DPYS: variants seen among roughly 807,000 people sequenced by gnomAD.
The protein encoded by DPYS is dihydropyrimidinase.
In DPYS, 39 loss-of-function variants were observed where a neutral mutation model predicts 50.3. The ratio of observed to expected loss-of-function variants is 0.78; its 90% CI spans 0.60 to 1.01. The LOEUF (loss-of-function observed/expected upper bound fraction) is 1.01. Ranked by LOEUF, DPYS falls within the 50% of genes least tolerant of loss-of-function variation. The pLI is 0.00. For missense variants in DPYS, 659 were observed against 680.9 expected (o/e 0.97, Z 0.36); for synonymous variants, 245 against 250.7 (o/e 0.98, Z 0.22).
chr8:104,393,920 G>T (rs981913328), intron 7 of DPYS, among the ~76,000 whole-genome samples: 4 of 152,098 alleles, frequency 2.6e-5, no homozygotes, highest in Non-Finnish European at 5.9e-5. Flanking sequence ...AACAGTGTAC[G>T]CTGAACCCAA....
intron 2 of DPYS, 25 bp downstream of exon 2, chr8:104,451,221 A>G: frequency 6.2e-7 from 1 of 1,613,216 alleles, no homozygotes; most frequent in Non-Finnish European, 8.5e-7. Context: ...GACAATGGGA[A>G]CACATTGAAA....
At chr8:104,423,694 T>C (rs1812626123) in intron 7 of DPYS, among the ~76,000 whole-genome samples, 1 of 152,188 alleles carries the variant, frequency 6.6e-6, no homozygotes, top group Admixed American at 6.5e-5. Flanking sequence ...CTCTATTGAC[T>C]GCTTTCCTGA....
intron 7 of DPYS, 136 bp downstream of exon 7, chr8:104,424,111 C>T: frequency 6.4e-7 from 1 of 1,566,940 alleles, no homozygotes; most frequent in Non-Finnish European, 8.7e-7. Context: ...ATCTTGTGTA[C>T]AGGATCAAAA....
intron 7 of DPYS, among the ~76,000 whole-genome samples, chr8:104,405,529 A>G (rs1439325788): frequency 5.9e-5 from 9 of 152,224 alleles, no homozygotes; most frequent in Admixed American, 5.9e-4. Flanking sequence ...GCATGCTAAC[A>G]TTTCATTGAC....
At chr8:104,401,290 A>ATTG (rs1275241678) in intron 7 of DPYS, among the ~76,000 whole-genome samples, 3 of 54,962 alleles carry the variant, frequency 5.5e-5, no homozygotes, top group African/African-American at 1.9e-4. Context: ...TGAGGTAGGT[A>ATTG]TTATTATTAT....
Position 104,447,446 on chromosome 8 carries a change from A to G in DPYS, c.481T>C (p.Phe161Leu), listed in dbSNP as rs746957607. The G allele has an allele frequency of 6.2e-7, 1 of 1,614,142 alleles. No homozygotes were observed. The highest frequency in any genetic ancestry group is 2.2e-5 in the East Asian group (1 of 44,888). Residue 161 changes from phenylalanine (F) to leucine (L), a missense_variant, in exon 3 of 10, where the codon TTT becomes CTT. Physicochemically the swap from Phe to Leu is conservative, Grantham distance 22. Coordinates refer to ENST00000351513, the MANE Select transcript of DPYS (RefSeq NM_001385.3). ...ATGTACAGATCTTTATAGGCCATAA[A>G]CATCTTGAAAGAGTTAACACCTTTA... ...QDKGVNSFKM[F>L]MAYKDLYMVT...
rs151161598 is a variant in DPYS at position 104,430,376 on chromosome 8, G to A, written c.794-675C>T. ...AAATGAGGCCATCAAAAAAAAAAGC[G>A]TACAATGTTAGAAAAGTTAATAGTG... is the stretch of plus-strand genomic sequence containing the variant. On this transcript the variant is annotated intron_variant, in intron 4 of 9. Coordinates refer to ENST00000351513, the MANE Select transcript of DPYS (RefSeq NM_001385.3). 2.2e-3 allele frequency among the ~76,000 whole-genome samples: 327 copies of A among 150,516 alleles called. 2 individuals are homozygous for A. The highest frequency in any genetic ancestry group is 7.6e-3 in the African/African-American group (313 of 40,918).
intron 7 of DPYS, among the ~76,000 whole-genome samples, chr8:104,407,211 A>G (rs754340238): frequency 6.6e-6 from 1 of 152,360 alleles, no homozygotes; most frequent in Admixed American, 6.5e-5. Flanking sequence ...AGAGGCTCAG[A>G]GAAGCCAGGT....
At chr8:104,388,577 T>C (rs1208170571) in intron 8 of DPYS, among the ~76,000 whole-genome samples, 1 of 152,196 alleles carries the variant, frequency 6.6e-6, no homozygotes, top group African/African-American at 2.4e-5. Flanking sequence ...TCTTACATTT[T>C]TCCCCTCCCT....
chr8:104,399,697 G>T (rs182630378), intron 7 of DPYS, among the ~76,000 whole-genome samples: 1 of 151,530 alleles, frequency 6.6e-6, no homozygotes, highest in Non-Finnish European at 1.5e-5. Context: ...GTGAAACCCC[G>T]TCTCTACTAA....
chr8:104,466,599 G>C lies in DPYS; in HGVS notation c.264+58C>G, dbSNP rs1814408306. 5 of 1,465,846 alleles carry C rather than the reference G, an allele frequency of 3.4e-6. No individual in the cohort carries two copies. In the Admixed American group the frequency reaches 6.5e-5, roughly 19 times the overall value. The allele number at this position is 1,465,846 out of a possible 1,614,324, so 90.8% of individuals were successfully genotyped here. A position where few individuals can be genotyped will look rare whatever the true frequency, so the allele number is the denominator to read the frequency against. On this transcript the variant is annotated intron_variant, in intron 1 of 9. Transcript: ENST00000351513. ...CCTGCTGAGGACCCCGGGACGACTG[G>C]GGAGGCTGCCCGAGCCTCCGTGGGT...
chr8:104,457,772 G>A (rs1472899167), intron 1 of DPYS, among the ~76,000 whole-genome samples: 3 of 152,204 alleles, frequency 2.0e-5, no homozygotes, highest in East Asian at 1.9e-4. Context: ...TTGTAAAGAT[G>A]TCTTGCACAT....
In DPYS at chr8:104,466,713, T is replaced by C. The variant is rs774088323; in HGVS notation, c.208A>G (p.Met70Val). 1.3e-6 allele frequency: 2 copies of C among 1,534,696 alleles called. No individual in the cohort carries two copies. The highest frequency in any genetic ancestry group is 4.9e-5 in the East Asian group (2 of 40,526). The change falls in exon 1 of 10, where the codon ATG becomes GTG. Residue 70 changes from methionine (M) to valine (V), a missense_variant. By Grantham distance (21) the Met-to-Val change is conservative (BLOSUM62 1). Transcript: ENST00000351513. The stretch of plus-strand genomic sequence containing the variant: ...CGCGAGCCCATGAAGGGGAACTGCA[T>C]GTGCGTGTGTGTGTCGATGCCTCCG... ...LPGGIDTHTH[M>V]QFPFMGSRSI... is the part of the protein sequence containing the mutation.
At chr8:104,431,292 G>A (rs956884358) in intron 4 of DPYS, among the ~76,000 whole-genome samples, 6 of 151,946 alleles carry the variant, frequency 3.9e-5, no homozygotes, top group Non-Finnish European at 8.8e-5. Context: ...AGCATCTACC[G>A]GGAGTCTGCC....
At chr8:104,436,974 T>C (rs1215088636) in intron 4 of DPYS, among the ~76,000 whole-genome samples, 1 of 151,970 alleles carries the variant, frequency 6.6e-6, no homozygotes, top group Non-Finnish European at 1.5e-5. Flanking sequence ...TTCTTGGAAA[T>C]AGAGGTGTGA....
chr8:104,417,880 A>G (rs1324737012), intron 7 of DPYS, among the ~76,000 whole-genome samples: 2 of 152,148 alleles, frequency 1.3e-5, no homozygotes, highest in Admixed American at 6.5e-5. Context: ...ATCCATCACC[A>G]TATGTCAAAT....
chr8:104,428,121 A>G lies in DPYS; in HGVS notation c.951T>C (p.Asn317=), dbSNP rs1288688148. 1 of 1,614,102 alleles carries G rather than the reference A, an allele frequency of 6.2e-7. No individual in the cohort carries two copies. Among genetic ancestry groups the G allele is most frequent in the East Asian group, 2.2e-5 (1 of 44,894 alleles). Residue 317 remains asparagine (N), a splice_region_variant and synonymous_variant, in exon 6 of 10, where the codon AAT becomes AAC. Transcript: ENST00000351513. ...TPDFLMNLLA[N]DDLTTTGTDN... ...CAGTCCCTGTTGTGGTTAGATCATC[A>G]CTGTAAAAGAAAAAACACGAGAGTG...
chr8:104,384,473 G>C (rs1457167259), intron 8 of DPYS, among the ~76,000 whole-genome samples: 2 of 152,204 alleles, frequency 1.3e-5, no homozygotes, highest in African/African-American at 2.4e-5. Context: ...CATCACTGCT[G>C]TTATTCAGAA....
intron 8 of DPYS, among the ~76,000 whole-genome samples, chr8:104,383,953 TCA>T (rs1344522102): frequency 6.6e-6 from 1 of 152,144 alleles, no homozygotes. Flanking sequence ...TTCTGGCTGT[TCA>T]GTCATGGAGC....
Sources: gnomAD v4.1 joint callset for allele counts (sites outside exome capture counted in the v4.1 genomes callset) on GRCh38, gnomAD v4.1.1 for gene constraint, MANE v1.5 for transcripts, NCBI Gene and HGNC (gene_info 2026-07-23, HGNC 2026-07-21) for gene names.